The following STK10 variants were observed in gnomAD, a reference collection of about 807,000 sequenced individuals.
The protein encoded by STK10 is serine/threonine kinase 10, also known as serine/threonine-protein kinase 10.
A neutral mutation model predicts 113.8 loss-of-function variants in STK10; 78 were observed. The observed-to-expected ratio is 0.69, with a 90% CI of 0.57 to 0.83. The LOEUF is 0.83. Among genes scored for constraint, STK10 ranks in the 40% least tolerant of loss-of-function variants. STK10 has a pLI of 0.00. For missense variants in STK10, 1,109 were observed against 1,280.1 expected, an observed-to-expected ratio of 0.87 and a Z score of 2.04; for synonymous variants, 465 against 494.7, an observed-to-expected ratio of 0.94 and a Z score of 0.80.
chr5:172,108,523 C>T (rs1769165856), intron 4 of STK10, among the ~76,000 whole-genome samples: 1 of 141,454 alleles, frequency 7.1e-6, no homozygotes, highest in South Asian at 2.3e-4. Flanking sequence ...GGCTGAGGCA[C>T]AAAAATCGCT....
At chr5:172,069,045 C>T (rs1768127589) in intron 12 of STK10, among the ~76,000 whole-genome samples, 1 of 151,644 alleles carries the variant, frequency 6.6e-6, no homozygotes, top group Non-Finnish European at 1.5e-5. Flanking sequence ...CCCAGAGCAA[C>T]CATTAAACAC....
intron 14 of STK10, among the ~76,000 whole-genome samples, chr5:172,059,584 G>A (rs766693932): frequency 4.6e-5 from 7 of 152,002 alleles, no homozygotes; most frequent in Non-Finnish European, 8.8e-5. Context: ...CCAAGCCACC[G>A]TTGCCCTTTG....
rs533788367 is a variant in STK10, at chr5:172,140,758, C to T, written c.322-13337G>A. ...ACTACTATATGATCCAGCAATCCCA[C>T]TTCTGGGTATTTATCCAAAAGCATT... On this transcript the variant is annotated intron_variant, in intron 2 of 18. Transcript: ENST00000176763. Among the ~76,000 whole-genome samples the T allele has an allele frequency of 8.6e-5, 13 of 152,036 alleles. No homozygotes were observed. In the South Asian group the frequency reaches 2.3e-3, roughly 27 times the overall value.
At chr5:172,142,663 T>C (rs1561823352) in intron 2 of STK10, among the ~76,000 whole-genome samples, 1 of 152,230 alleles carries the variant, frequency 6.6e-6, no homozygotes, top group East Asian at 1.9e-4. Context: ...AGTAGGATAA[T>C]GTATGTCAGA....
intron 2 of STK10, among the ~76,000 whole-genome samples, chr5:172,149,256 T>C (rs765143185): frequency 3.9e-5 from 6 of 152,162 alleles, no homozygotes; most frequent in African/African-American, 7.2e-5. Context: ...ACAGAAAACA[T>C]TCCTGACGAG....
At chr5:172,051,916 AAGAG>A (rs575143408) in intron 18 of STK10, among the ~76,000 whole-genome samples, 6 of 152,176 alleles carry the variant, frequency 3.9e-5, no homozygotes, top group Non-Finnish European at 8.8e-5. Flanking sequence ...TTCGCAGAGA[AAGAG>A]AGAGACAGGG....
chr5:172,076,931 A>AAGGCACCGAAAACACGAAGAT lies in STK10; in HGVS notation c.1989+5394_1989+5395insATCTTCGTGTTTTCGGTGCCT, dbSNP rs1249513740. Among the ~76,000 whole-genome samples, 208 of 152,316 alleles carry AAGGCACCGAAAACACGAAGAT rather than the reference A, an allele frequency of 1.4e-3. 2 individuals are homozygous for AAGGCACCGAAAACACGAAGAT. Among genetic ancestry groups the AAGGCACCGAAAACACGAAGAT allele is most frequent in the African/African-American group, 4.8e-3 (199 of 41,562 alleles). On this transcript the variant is annotated intron_variant, in intron 12 of 18. Coordinates refer to ENST00000176763, the MANE Select transcript of STK10 (RefSeq NM_005990.4). ...GCAGTTTAGTAAAGGATTTCTGCCA[A>AAGGCACCGAAAACACGAAGAT]AGGCACCAAAAACACGAAGAAACGT...
intron 4 of STK10, among the ~76,000 whole-genome samples, chr5:172,109,200 AC>A (rs1321775905): frequency 1.3e-5 from 2 of 152,260 alleles, no homozygotes; most frequent in Non-Finnish European, 2.9e-5. Context: ...GGGGAAAAAT[AC>A]ACACTGAACT....
At position 172,053,031 on chromosome 5, in the gene STK10, G is replaced by C. The variant is rs185159472; in HGVS notation, c.2664C>G (p.Cys888Trp). The C allele has an allele frequency of 6.2e-7, 1 of 1,614,050 alleles. No individual in the cohort carries two copies. Among genetic ancestry groups the C allele is most frequent in the African/African-American group, 1.3e-5 (1 of 75,058 alleles). ...SELQQLQNEK[C>W]HLLVEHETQK... is the part of the protein sequence containing the mutation. Reference sequence around the variant, plus strand: ...GGGTTTCGTGCTCTACCAGGAGGTGGCACTTTTCATTCTGGAACAGATTCC... The same window carrying C: ...GGGTTTCGTGCTCTACCAGGAGGTGCCACTTTTCATTCTGGAACAGATTCC... Residue 888 changes from cysteine to tryptophan, a missense_variant, in exon 18 of 19, where the codon TGC becomes TGG. Coordinates refer to ENST00000176763, the MANE Select transcript of STK10 (RefSeq NM_005990.4).
intron 7 of STK10, among the ~76,000 whole-genome samples, chr5:172,101,457 G>A (rs1003362228): frequency 1.4e-5 from 2 of 145,764 alleles, no homozygotes; most frequent in Non-Finnish European, 3.0e-5. Context: ...GCAACAGAGC[G>A]AGACTCCGTC....
chr5:172,187,856 C>T lies in STK10; in HGVS notation c.156+31G>A. On this transcript the variant is annotated intron_variant, in intron 1 of 18. Coordinates refer to ENST00000176763, the MANE Select transcript of STK10 (RefSeq NM_005990.4). This position sits in a 1 kb window ranked among gnomAD's most constrained non-coding sequence, Gnocchi z 4.6. Reference sequence around the variant, plus strand: ...CCCTTCCTTCCGGAGCCCCTCGACGCGCGTCCGGCCACCCACCTCAGCGCC... The same window carrying T: ...CCCTTCCTTCCGGAGCCCCTCGACGTGCGTCCGGCCACCCACCTCAGCGCC... The T allele has an allele frequency of 6.2e-7, 1 of 1,608,264 alleles. No homozygotes were observed. The highest frequency in any genetic ancestry group is 8.5e-7 in the Non-Finnish European group (1 of 1,177,664).
intron 10 of STK10, among the ~76,000 whole-genome samples, chr5:172,087,965 A>G (rs62381960): frequency 0.24 from 36,787 of 150,930 alleles, 6,375 homozygotes; most frequent in African/African-American, 0.49. Context: ...TTGCTCTGTT[A>G]CCCAGGCTGG....
intron 12 of STK10, among the ~76,000 whole-genome samples, chr5:172,066,440 A>G (rs919221434): frequency 6.6e-6 from 1 of 152,220 alleles, no homozygotes; most frequent in Non-Finnish European, 1.5e-5. Context: ...TGGCCAGAGA[A>G]CCAGGAAAAG....
At chr5:172,079,899 G>A (rs950669932) in intron 12 of STK10, among the ~76,000 whole-genome samples, 1 of 151,980 alleles carries the variant, frequency 6.6e-6, no homozygotes, top group Non-Finnish European at 1.5e-5. Flanking sequence ...CTGAGTTTTT[G>A]GGTCCTCTGA....
rs74291572 is a variant in STK10 at position 172,147,360 on chromosome 5, C to T, written c.321+9264G>A. Among the ~76,000 whole-genome samples, 462 of 152,050 alleles carry T rather than the reference C, an allele frequency of 3.0e-3. 16 individuals carry two copies. The East Asian group carries it at 0.079, about 26-fold the overall frequency. ...TGGAAAAAAAAGTGCACGGTCTAAACCCAGCAAGACCTGCTGCTCAGACTT... is the reference window on the plus strand; with the variant it reads ...TGGAAAAAAAAGTGCACGGTCTAAATCCAGCAAGACCTGCTGCTCAGACTT... On this transcript the variant is annotated intron_variant, in intron 2 of 18. Coordinates refer to ENST00000176763, the MANE Select transcript of STK10 (RefSeq NM_005990.4).
intron 3 of STK10, among the ~76,000 whole-genome samples, chr5:172,118,327 T>G (rs1208880803): frequency 1.3e-5 from 2 of 152,118 alleles, no homozygotes. Context: ...AGAGGGCACT[T>G]ACTATGTGTC....
intron 10 of STK10, 44 bp from the exon 11 acceptor site, chr5:172,083,128 C>T (rs770181359): frequency 6.2e-7 from 1 of 1,609,800 alleles, no homozygotes; most frequent in Non-Finnish European, 8.5e-7. Context: ...AAGAAACTGG[C>T]TTCAGAGATC....
In STK10 at chr5:172,042,488, TCA is replaced by T. The variant is rs1247794873; in HGVS notation, c.*2392_*2393del. 1.3e-5 allele frequency: 2 copies of T among 152,582 alleles called. No individual in the cohort carries two copies. Among genetic ancestry groups the T allele is most frequent in the African/African-American group, 2.4e-5 (1 of 41,448 alleles). The allele number at this position is 152,582 out of a possible 1,614,324, so 9.5% of individuals were successfully genotyped here. A position where few individuals can be genotyped will look rare whatever the true frequency, so the allele number is the denominator to read the frequency against. ...GAAGGACGAGCCACGAGGGGAATGA[TCA>T]CAGACTTTCACCTGAACCATGAAAC... On this transcript the variant is annotated 3_prime_UTR_variant, in exon 19 of 19. Transcript: ENST00000176763.
rs1297701701 is a variant in STK10 at position 172,055,774 on chromosome 5, C to T, written c.2340G>A (p.Glu780=). 6.7e-7 allele frequency: 1 copy of T among 1,485,202 alleles called. No homozygotes were observed. The highest frequency in any genetic ancestry group is 9.0e-7 in the Non-Finnish European group (1 of 1,107,724). The allele number at this position is 1,485,202 out of a possible 1,614,324, so 92.0% of individuals were successfully genotyped here. The part of the protein sequence containing the change: ...RHELLRKHEK[E]REQMQRYNQR... ...GGTTGTAGCGCTGCATCTGCTCCCGCTCCTGGAGAGGAATATCCAGAGGGG... is the reference window on the plus strand; with the variant it reads ...GGTTGTAGCGCTGCATCTGCTCCCGTTCCTGGAGAGGAATATCCAGAGGGG... Residue 780 remains glutamate, a splice_region_variant and synonymous_variant, in exon 16 of 19, where the codon GAG becomes GAA. Coordinates refer to ENST00000176763, the MANE Select transcript of STK10 (RefSeq NM_005990.4).
Sources: gnomAD v4.1 joint callset for allele counts (sites outside exome capture counted in the v4.1 genomes callset) on GRCh38, gnomAD v4.1.1 for gene constraint, Gnocchi (gnomAD v3.1) non-coding constraint, MANE v1.5 for transcripts, NCBI Gene and HGNC (gene_info 2026-07-23, HGNC 2026-07-21) for gene names.